RPL27A: variants seen among roughly 807,000 people sequenced by gnomAD.
RPL27A encodes the protein large ribosomal subunit protein uL15.
For missense variants in RPL27A, 118 were observed against 189.4 expected, an observed-to-expected ratio of 0.62 and a Z score of 2.21; for synonymous variants, 69 against 68.3, an observed-to-expected ratio of 1.01 and a Z score of -0.05.
In RPL27A at chr11:8,685,714, A is replaced by G. The variant is rs150319132; in HGVS notation, c.355A>G (p.Lys119Glu). The G allele has an allele frequency of 1.5e-5, 24 of 1,614,194 alleles. No individual in the cohort carries two copies. In the African/African-American group the frequency reaches 2.4e-4, roughly 16 times the overall value. The change falls in exon 5 of 5, where the codon AAG becomes GAG. Residue 119 changes from lysine to glutamate, a missense_variant. Physicochemically the swap from Lys to Glu is moderately conservative, Grantham distance 56. Coordinates refer to ENST00000314138, the MANE Select transcript of RPL27A (RefSeq NM_000990.5). ...YKVLGKGKLP[K>E]QPVIVKAKFF... ...AGTTCTGGGAAAGGGAAAGCTCCCA[A>G]AGCAGCCTGTCATCGTGAAGGCCAA...
rs769890764 is a variant in RPL27A at position 8,683,265 on chromosome 11, G to A, written c.67G>A (p.Gly23Ser). Reference sequence around the variant, plus strand: ...CGTGAGCCACGGCCACGGCCGCATAGGTAAGTGCCGGCTTCCCCTCGGGGT... The same window carrying A: ...CGTGAGCCACGGCCACGGCCGCATAAGTAAGTGCCGGCTTCCCCTCGGGGT... ...GHVSHGHGRI[G>S]KHRKHPGGRG... Residue 23 changes from glycine (G) to serine (S), a missense_variant and splice_region_variant, in exon 2 of 5, where the codon GGC (glycine) becomes AGC (serine). Transcript: ENST00000314138. 5 of 1,614,046 alleles carry A rather than the reference G, an allele frequency of 3.1e-6. No individual in the cohort carries two copies. Among genetic ancestry groups the A allele is most frequent in the Non-Finnish European group, 4.2e-6 (5 of 1,179,958 alleles).
chr11:8,682,957 C>T, intron 1 of RPL27A, 141 bp downstream of exon 1: 1 of 1,212,346 alleles, frequency 8.2e-7, no homozygotes, highest in Non-Finnish European at 1.2e-6. Flanking sequence ...GGGTGGCCGG[C>T]GCGGGCCCGG....
At chr11:8,683,146 G>A (rs893719010) in intron 1 of RPL27A, 56 bp from the exon 2 acceptor site, 14 of 1,542,778 alleles carry the variant, frequency 9.1e-6, no homozygotes, top group Middle Eastern at 1.7e-4. Flanking sequence ...CGGCTGGCGG[G>A]CATCGCCCCC....
chr11:8,683,150 C>T (rs2039521551), intron 1 of RPL27A, 52 bp from the exon 2 acceptor site: 2 of 1,548,490 alleles, frequency 1.3e-6, no homozygotes, highest in South Asian at 2.2e-5. Flanking sequence ...TGGCGGGCAT[C>T]GCCCCCTGCC....
rs1216083729 is a variant in RPL27A, at chr11:8,688,479, C to A, written c.*2673C>A. On this transcript the variant is annotated 3_prime_UTR_variant, in exon 5 of 5. Transcript: ENST00000314138. ...GTTTTGAGCCCTAAGTCCGCCGATTCCAGTGCTTTCTTGAACCCGCATTTA... is the reference window on the plus strand; with the variant it reads ...GTTTTGAGCCCTAAGTCCGCCGATTACAGTGCTTTCTTGAACCCGCATTTA... The A allele has an allele frequency of 1.3e-5, 2 of 152,188 alleles. No homozygotes were observed. The highest frequency in any genetic ancestry group is 4.8e-5 in the African/African-American group (2 of 41,444). 9.4% of individuals were successfully genotyped at this position (152,188 alleles called of 1,614,324 possible). A position where few individuals can be genotyped will look rare whatever the true frequency, so the allele number is the denominator to read the frequency against.
rs542652771 is a variant in RPL27A, at chr11:8,686,582, C to G, written c.*776C>G. On this transcript the variant is annotated 3_prime_UTR_variant, in exon 5 of 5. Transcript: ENST00000314138. ...TTGTTACATCCAGAATGTGATGAAT[C>G]AAAATCTCGAGATGGGGGTCCAGCA... The G allele has an allele frequency of 6.6e-6, 1 of 152,288 alleles. No homozygotes were observed. Among genetic ancestry groups the G allele is most frequent in the South Asian group, 2.1e-4 (1 of 4,828 alleles). The allele number at this position is 152,288 out of a possible 1,614,324, so 9.4% of individuals were successfully genotyped here. A position where few individuals can be genotyped will look rare whatever the true frequency, so the allele number is the denominator to read the frequency against.
chr11:8,689,464 T>C lies in RPL27A; in HGVS notation c.*3658T>C, dbSNP rs1176712758. ...TGGTGCAGTTTTTTGTTCAACCCAA[T>C]GCGTATTTTCATATTGAGAGGCAAT... On this transcript the variant is annotated 3_prime_UTR_variant, in exon 5 of 5. Coordinates refer to ENST00000314138, the MANE Select transcript of RPL27A (RefSeq NM_000990.5). The C allele has an allele frequency of 6.6e-6, 1 of 151,508 alleles. No homozygotes were observed. The highest frequency in any genetic ancestry group is 2.4e-5 in the African/African-American group (1 of 41,144). The allele number at this position is 151,508 out of a possible 1,614,324, so 9.4% of individuals were successfully genotyped here. A position where few individuals can be genotyped will look rare whatever the true frequency, so the allele number is the denominator to read the frequency against.
At chr11:8,685,077 A>G in intron 4 of RPL27A, 185 bp downstream of exon 4, 1 of 648,394 alleles carries the variant, frequency 1.5e-6, no homozygotes. Flanking sequence ...CCCAGGTTGT[A>G]TCAGGTTTGC....
At chr11:8,683,308 C>T in intron 2 of RPL27A, 43 bp downstream of exon 2, 1 of 1,566,472 alleles carries the variant, frequency 6.4e-7, no homozygotes, top group Non-Finnish European at 8.8e-7. Context: ...GGGCTCTCTT[C>T]GGGTGCTTAG....
At chr11:8,683,295 C>T in intron 2 of RPL27A, 30 bp downstream of exon 2, 3 of 1,600,884 alleles carry the variant, frequency 1.9e-6, no homozygotes, top group Non-Finnish European at 2.6e-6. Context: ...CGGGGTGGGC[C>T]TTGGGCTCTC....
In RPL27A at chr11:8,686,387, T is replaced by TGC. The variant is rs2039587064; in HGVS notation, c.*582_*583dup. 1 of 152,730 alleles carries TGC rather than the reference T, an allele frequency of 6.5e-6. No individual in the cohort carries two copies. Among genetic ancestry groups the TGC allele is most frequent in the Non-Finnish European group, 1.5e-5 (1 of 68,484 alleles). 9.5% of individuals were successfully genotyped at this position (152,730 alleles called of 1,614,324 possible). A position where few individuals can be genotyped will look rare whatever the true frequency, so the allele number is the denominator to read the frequency against. On this transcript the variant is annotated 3_prime_UTR_variant, in exon 5 of 5. Coordinates refer to ENST00000314138, the MANE Select transcript of RPL27A (RefSeq NM_000990.5). ...CTGGGATTACAGGCGCCCACCACCA[T>TGC]GCCCAGCTAATTTTTGTATTTTCAG...
rs1406845242 is a variant in RPL27A at position 8,683,988 on chromosome 11, A to C, written c.68-18A>C. 3 of 1,607,436 alleles carry C rather than the reference A, an allele frequency of 1.9e-6. No individual in the cohort carries two copies. The highest frequency in any genetic ancestry group is 2.5e-6 in the Non-Finnish European group (3 of 1,178,240). ...ATGAGCCATCACACCGGCCCCACGTAGCTTTGTATTCCTGCAGGCAAGCAC... is the reference window on the plus strand; with the variant it reads ...ATGAGCCATCACACCGGCCCCACGTCGCTTTGTATTCCTGCAGGCAAGCAC... On this transcript the variant is annotated intron_variant, in intron 2 of 4. Transcript: ENST00000314138.
intron 2 of RPL27A, 71 bp downstream of exon 2, chr11:8,683,336 A>G: frequency 7.3e-7 from 1 of 1,361,400 alleles, no homozygotes; most frequent in Non-Finnish European, 1.1e-6. Flanking sequence ...GGAGATCGGT[A>G]GCCTATAAGT....
chr11:8,685,458 C>G (rs1439916583), intron 4 of RPL27A: 1 of 707,914 alleles, frequency 1.4e-6, no homozygotes, highest in East Asian at 2.8e-5. Flanking sequence ...AGAGTCACAT[C>G]CTGACACAAC....
intron 4 of RPL27A, chr11:8,685,393 C>G (rs979632946): frequency 1.7e-6 from 1 of 602,992 alleles, no homozygotes; most frequent in Non-Finnish European, 3.2e-6. Context: ...TGGTTGTCTT[C>G]TTTTGCTTAG....
Position 8,685,888 on chromosome 11 carries a change from A to G in RPL27A, c.*82A>G. On this transcript the variant is annotated 3_prime_UTR_variant, in exon 5 of 5. Coordinates refer to ENST00000314138, the MANE Select transcript of RPL27A (RefSeq NM_000990.5). ...GTAGGTTCTTCAGTGGCACCTCTAC[A>G]TCCTGTGTGCATTGGGAGCCCAGGT... 7.1e-7 allele frequency: 1 copy of G among 1,399,014 alleles called. No homozygotes were observed. The highest frequency in any genetic ancestry group is 1.2e-5 in the South Asian group (1 of 82,610). The allele number at this position is 1,399,014 out of a possible 1,614,324, so 86.7% of individuals were successfully genotyped here. A position where few individuals can be genotyped will look rare whatever the true frequency, so the allele number is the denominator to read the frequency against.
chr11:8,682,879 T>C, intron 1 of RPL27A, 63 bp downstream of exon 1: 1 of 1,554,852 alleles, frequency 6.4e-7, no homozygotes. Flanking sequence ...TGTATTCCCA[T>C]TGCCCCTAGT....
intron 4 of RPL27A, 72 bp downstream of exon 4, chr11:8,684,964 T>G: frequency 7.1e-7 from 1 of 1,416,806 alleles, no homozygotes; most frequent in Non-Finnish European, 1.0e-6. Context: ...CTAATCCACT[T>G]ATATAATCTG....
chr11:8,683,931 CCT>C, intron 2 of RPL27A, 73 bp from the exon 3 acceptor site: 2 of 1,192,598 alleles, frequency 1.7e-6, no homozygotes, highest in Non-Finnish European at 1.2e-6. Flanking sequence ...ATCTACCCCC[CCT>C]CGTCCTCCTA....
Sources: allele counts gnomAD v4.1 joint callset, GRCh38; gene constraint gnomAD v4.1.1; transcripts MANE v1.5; gene names NCBI Gene and HGNC (gene_info 2026-07-23, HGNC 2026-07-21).